TNNC2: variants seen among roughly 807,000 people sequenced by gnomAD.
TNNC2 encodes the protein troponin C2, fast skeletal type, also known as troponin C, skeletal muscle.
In TNNC2, 14 loss-of-function variants were observed where a neutral mutation model predicts 20.0. The observed-to-expected ratio is 0.70, with a 90% CI of 0.46 to 1.09. The LOEUF (loss-of-function observed/expected upper bound fraction) is 1.09, where lower values mean the gene tolerates loss of function less well. Among genes scored for constraint, TNNC2 ranks in the 50% least tolerant of loss-of-function variants. The pLI is 0.00. For synonymous variants in TNNC2, 81 were observed against 77.3 expected (o/e 1.05, Z -0.25); for missense variants, 163 against 223.8 (o/e 0.73, Z 1.73).
rs1441449704 is a variant in TNNC2, at chr20:45,823,592, C to A, written c.452-213G>T. The stretch of plus-strand genomic sequence containing the variant: ...GCAGCCTTGATCTCCTAGGCTCAAG[C>A]GATCCTCTTACCTCAGCCCCCGGAG... On this transcript the variant is annotated intron_variant, in intron 5 of 5. Coordinates refer to ENST00000372555, the MANE Select transcript of TNNC2 (RefSeq NM_003279.3). The surrounding 1 kb of genome is among the most constrained non-coding windows in gnomAD (Gnocchi z 4.6). 3.3e-5 allele frequency among the ~76,000 whole-genome samples: 5 copies of A among 152,118 alleles called. No homozygotes were observed. Among genetic ancestry groups the A allele is most frequent in the Admixed American group, 2.0e-4 (3 of 15,274 alleles).
chr20:45,824,372 G>C lies in TNNC2; in HGVS notation c.234C>G (p.Val78=), dbSNP rs1269788221. Residue 78 remains valine (V), a synonymous_variant, in exon 4 of 6, where the codon GTC becomes GTG. Transcript: ENST00000372555. ...CCTCTTTCATCTGGCGCACCATCATGACCAAGAACTCCTCGAAGTCGATGG... is the reference window on the plus strand; with the variant it reads ...CCTCTTTCATCTGGCGCACCATCATCACCAAGAACTCCTCGAAGTCGATGG... ...SGTIDFEEFL[V]MMVRQMKEDA... is the part of the protein sequence containing the mutation. The C allele has an allele frequency of 6.2e-7, 1 of 1,611,022 alleles. No homozygotes were observed. Among genetic ancestry groups the C allele is most frequent in the Non-Finnish European group, 8.5e-7 (1 of 1,179,994 alleles).
chr20:45,830,016 G>A (rs1480670084), upstream of TNNC2, among the ~76,000 whole-genome samples: 1 of 151,628 alleles, frequency 6.6e-6, no homozygotes, highest in Non-Finnish European at 1.5e-5. Flanking sequence ...ACATCATGTT[G>A]CTGTCTGCTC....
In TNNC2 at chr20:45,823,521, G is replaced by A. The variant is rs890274618; in HGVS notation, c.452-142C>T. The A allele has an allele frequency of 5.3e-6, 4 of 759,598 alleles. No homozygotes were observed. The highest frequency in any genetic ancestry group is 3.5e-5 in the African/African-American group (2 of 56,546). 47.1% of individuals were successfully genotyped at this position (759,598 alleles called of 1,614,324 possible). A position where few individuals can be genotyped will look rare whatever the true frequency, so the allele number is the denominator to read the frequency against. On this transcript the variant is annotated intron_variant, in intron 5 of 5. Coordinates refer to ENST00000372555, the MANE Select transcript of TNNC2 (RefSeq NM_003279.3). This position sits in a 1 kb window ranked among gnomAD's most constrained non-coding sequence, Gnocchi z 4.6. ...CTCACTCTGTTGCCAAGGTCGCCAA[G>A]GTCTGTCACCCAGGCTAGAGTGCAG... is the stretch of plus-strand genomic sequence containing the variant.
At chr20:45,831,258 C>T (rs1018132904), upstream of TNNC2, among the ~76,000 whole-genome samples, 3 of 152,118 alleles carry the variant, frequency 2.0e-5, no homozygotes, top group African/African-American at 7.2e-5. Context: ...TGCACTCCAG[C>T]CTCACAACAG....
intron 1 of TNNC2, among the ~76,000 whole-genome samples, chr20:45,826,829 C>T (rs370396271): frequency 2.0e-5 from 3 of 152,316 alleles, no homozygotes; most frequent in African/African-American, 7.2e-5. Flanking sequence ...CACGCCCTGC[C>T]GGCCTCCCGT....
upstream of TNNC2, among the ~76,000 whole-genome samples, chr20:45,831,225 G>C (rs566079728): frequency 5.9e-5 from 9 of 152,254 alleles, no homozygotes; most frequent in South Asian, 1.5e-3. Context: ...GTTTGAGGCT[G>C]CAGTGAGCTA....
At chr20:45,825,712 C>T (rs1474772028) in intron 1 of TNNC2, among the ~76,000 whole-genome samples, 1 of 152,062 alleles carries the variant, frequency 6.6e-6, no homozygotes, top group Non-Finnish European at 1.5e-5. Context: ...CCCCCACCTC[C>T]GGGGTTCAAG....
Position 45,824,389 on chromosome 20 carries a change from A to T in TNNC2, c.217T>A (p.Phe73Ile). 6.2e-7 allele frequency: 1 copy of T among 1,610,708 alleles called. No homozygotes were observed. The change falls in exon 4 of 6, where the codon TTC (phenylalanine) becomes ATC (isoleucine). Residue 73 changes from phenylalanine to isoleucine, a missense_variant. Physicochemically the swap from Phe to Ile is conservative, Grantham distance 21 (BLOSUM62 0). Coordinates refer to ENST00000372555, the MANE Select transcript of TNNC2 (RefSeq NM_003279.3). ...ACCATCATGACCAAGAACTCCTCGA[A>T]GTCGATGGTGCCGCTGCCTGCGGGC... ...VDEDGSGTID[F>I]EEFLVMMVRQ...
chr20:45,824,375 C>A lies in TNNC2; in HGVS notation c.231G>T (p.Leu77Phe). ...GSGTIDFEEF[L>F]VMMVRQMKED... ...CTTTCATCTGGCGCACCATCATGAC[C>A]AAGAACTCCTCGAAGTCGATGGTGC... The change falls in exon 4 of 6, where the codon TTG (leucine) becomes TTT (phenylalanine). Residue 77 changes from leucine to phenylalanine, a missense_variant. Physicochemically the swap from Leu to Phe is conservative, Grantham distance 22. Transcript: ENST00000372555. The A allele has an allele frequency of 6.2e-7, 1 of 1,611,054 alleles. No individual in the cohort carries two copies. Among genetic ancestry groups the A allele is most frequent in the South Asian group, 1.1e-5 (1 of 91,088 alleles).
upstream of TNNC2, among the ~76,000 whole-genome samples, chr20:45,830,518 C>T (rs1983084859): frequency 6.6e-6 from 1 of 152,064 alleles, no homozygotes. Flanking sequence ...CCACTGTGTC[C>T]AGACCAGGGA....
In TNNC2 at chr20:45,823,704, G is replaced by T. The variant is rs1423795495; in HGVS notation, c.451+287C>A. 6.6e-6 allele frequency among the ~76,000 whole-genome samples: 1 copy of T among 151,864 alleles called. No homozygotes were observed. Among genetic ancestry groups the T allele is most frequent in the Non-Finnish European group, 1.5e-5 (1 of 67,942 alleles). On this transcript the variant is annotated intron_variant, in intron 5 of 5. Transcript: ENST00000372555. The surrounding 1 kb of genome is among the most constrained non-coding windows in gnomAD (Gnocchi z 4.6). ...GACAGGGTCTCACTATGTTGCCCAG[G>T]CTGGTCTCGAACTCTTGGCCTCAAG...
At chr20:45,828,044 G>T (rs1170768428), upstream of TNNC2, among the ~76,000 whole-genome samples, 1 of 152,086 alleles carries the variant, frequency 6.6e-6, no homozygotes, top group Non-Finnish European at 1.5e-5. Flanking sequence ...GCAGAGCTTT[G>T]TAAATTATAA....
In TNNC2 at chr20:45,824,823, C is replaced by T; in HGVS notation, c.15G>A (p.Gln5=). 6.2e-7 allele frequency: 1 copy of T among 1,614,034 alleles called. No homozygotes were observed. Among genetic ancestry groups the T allele is most frequent in the East Asian group, 2.2e-5 (1 of 44,856 alleles). ...CGCTGAGGTAGGACCTGGCCTCAGCCTGCTGGTCCGTCTGCAGGAGACACA... is the reference window on the plus strand; with the variant it reads ...CGCTGAGGTAGGACCTGGCCTCAGCTTGCTGGTCCGTCTGCAGGAGACACA... MTDQ[Q]AEARSYLSEE... Residue 5 remains glutamine, a synonymous_variant, in exon 2 of 6, where the codon CAG becomes CAA. Transcript: ENST00000372555.
chr20:45,824,188 C>T, intron 4 of TNNC2, 61 bp from the exon 5 acceptor site: 1 of 1,602,010 alleles, frequency 6.2e-7, no homozygotes, highest in Middle Eastern at 1.7e-4. Context: ...GGCCACCACA[C>T]TCGACGCCCC....
chr20:45,823,318 G>A lies in TNNC2; in HGVS notation c.*30C>T, dbSNP rs751456774. On this transcript the variant is annotated 3_prime_UTR_variant, in exon 6 of 6. Coordinates refer to ENST00000372555, the MANE Select transcript of TNNC2 (RefSeq NM_003279.3). The surrounding 1 kb of genome is among the most constrained non-coding windows in gnomAD (Gnocchi z 4.6). ...GGAGTCTCCCACACCCTAGGGACAC[G>A]CGATCTTGGTAGAGGCGACTGTCCA... The A allele has an allele frequency of 9.6e-6, 15 of 1,569,672 alleles. No homozygotes were observed. Among genetic ancestry groups the A allele is most frequent in the South Asian group, 3.5e-5 (3 of 84,898 alleles).
intron 1 of TNNC2, among the ~76,000 whole-genome samples, chr20:45,825,782 G>A (rs558554): frequency 0.43 from 64,730 of 151,812 alleles, 15,657 homozygotes; most frequent in Non-Finnish European, 0.54. Flanking sequence ...CACAACGCCC[G>A]GCTAATTTTG....
chr20:45,827,170 G>C, intron 1 of TNNC2, 76 bp downstream of exon 1: 3 of 1,594,654 alleles, frequency 1.9e-6, no homozygotes, highest in Non-Finnish European at 2.6e-6. Flanking sequence ...CTGCCCCACA[G>C]AGCACCCAGG....
chr20:45,827,076 CCCTTT>C (rs1184321026), intron 1 of TNNC2, among the ~76,000 whole-genome samples, 165 bp downstream of exon 1: 1 of 152,232 alleles, frequency 6.6e-6, no homozygotes, highest in East Asian at 1.9e-4. Context: ...CCCAGCCCTC[CCCTTT>C]CAAGAAAAGT....
Position 45,824,315 on chromosome 20 carries a change from G to C in TNNC2, c.291C>G (p.Ala97=). ...ACCTGTCGAAGATGCGGAAGCACTC[G>C]GCCAGCTCCTCCTCGCTCTTCCCTT... ...DAKGKSEEEL[A]ECFRIFDRNA... Residue 97 remains alanine (A), a synonymous_variant, in exon 4 of 6, where the codon GCC becomes GCG. Coordinates refer to ENST00000372555, the MANE Select transcript of TNNC2 (RefSeq NM_003279.3). 6.2e-7 allele frequency: 1 copy of C among 1,610,672 alleles called. No individual in the cohort carries two copies. The highest frequency in any genetic ancestry group is 1.7e-5 in the Admixed American group (1 of 60,004).
Sources: allele counts gnomAD v4.1 joint callset (sites outside exome capture counted in the v4.1 genomes callset), GRCh38; gene constraint gnomAD v4.1.1; non-coding constraint Gnocchi (gnomAD v3.1); transcripts MANE v1.5; gene names NCBI Gene and HGNC (gene_info 2026-07-23, HGNC 2026-07-21).